Variants in ERC2 observed in about 807,000 individuals in gnomAD.
ERC2 encodes ELKS/RAB6-interacting/CAST family member 2, also known as ERC protein 2.
Under a neutral mutation model 114.8 loss-of-function variants are expected in ERC2, and 42 were observed. That is an observed-to-expected ratio of 0.37 (90% confidence interval 0.29 to 0.47). ERC2 has a LOEUF of 0.47. ERC2 is among the 20% of genes least tolerant of loss of function. The pLI is 0.99. For synonymous variants in ERC2, 454 were observed against 425.5 expected (o/e 1.07, Z -0.82); for missense variants, 939 against 1,150.7 (o/e 0.82, Z 2.66).
rs140680244 is a variant in ERC2 at position 56,189,856 on chromosome 3, G to A, written c.1075-16336C>T. ...CCTCACCATCTAATCTCTGCAGCCA[G>A]GTCCAAGCAACTCTGGAATATTTTA... On this transcript the variant is annotated intron_variant, in intron 3 of 17. Coordinates refer to ENST00000288221, the MANE Select transcript of ERC2 (RefSeq NM_015576.3). Among the ~76,000 whole-genome samples, 510 of 152,306 alleles carry A rather than the reference G, an allele frequency of 3.3e-3. 1 individual carries two copies. Among genetic ancestry groups the A allele is most frequent in the African/African-American group, 0.012 (487 of 41,564 alleles).
chr3:55,707,351 A>C (rs1397101664), intron 15 of ERC2, among the ~76,000 whole-genome samples: 2 of 152,172 alleles, frequency 1.3e-5, no homozygotes, highest in African/African-American at 4.8e-5. Flanking sequence ...AAGTGGGAGG[A>C]TCACCTGAGC....
At position 55,508,891 on chromosome 3, in the gene ERC2, C is replaced by A. The variant is rs547598125; in HGVS notation, c.*2425G>T. Reference sequence around the variant, plus strand: ...TTCTCCTAAATGTTAGCCCAAACTTCTTTTTTCAACTATGTTATGATTAGA... The same window carrying A: ...TTCTCCTAAATGTTAGCCCAAACTTATTTTTTCAACTATGTTATGATTAGA... On this transcript the variant is annotated 3_prime_UTR_variant, in exon 18 of 18. Transcript: ENST00000288221. The A allele has an allele frequency of 6.5e-6, 1 of 152,716 alleles. No individual in the cohort carries two copies. Among genetic ancestry groups the A allele is most frequent in the East Asian group, 1.9e-4 (1 of 5,192 alleles). 9.5% of individuals were successfully genotyped at this position (152,716 alleles called of 1,614,324 possible).
intron 4 of ERC2, among the ~76,000 whole-genome samples, chr3:56,154,474 A>C (rs2081589588): frequency 6.6e-6 from 1 of 152,108 alleles, no homozygotes; most frequent in African/African-American, 2.4e-5. Flanking sequence ...ATTCTTCATG[A>C]AACCCATGCC....
chr3:55,928,809 T>C (rs556572359), intron 13 of ERC2, among the ~76,000 whole-genome samples: 1 of 152,324 alleles, frequency 6.6e-6, no homozygotes, highest in East Asian at 1.9e-4. Flanking sequence ...GGGGGCTAGT[T>C]TCATTCTTCT....
At chr3:55,540,416 C>G (rs2054314823) in intron 17 of ERC2, among the ~76,000 whole-genome samples, 1 of 152,170 alleles carries the variant, frequency 6.6e-6, no homozygotes, top group Non-Finnish European at 1.5e-5. Flanking sequence ...AACTAGGGGA[C>G]TAAGCCAGTA....
chr3:55,981,537 C>T (rs1442579276), intron 12 of ERC2, among the ~76,000 whole-genome samples: 1 of 152,118 alleles, frequency 6.6e-6, no homozygotes, highest in Non-Finnish European at 1.5e-5. Flanking sequence ...ATATCCCCAA[C>T]ACCCAGCCAG....
chr3:56,171,784 AC>A (rs1001334687), intron 4 of ERC2, among the ~76,000 whole-genome samples: 4 of 151,530 alleles, frequency 2.6e-5, no homozygotes, highest in Non-Finnish European at 5.9e-5. Flanking sequence ...CCAGGAAACT[AC>A]CCACCACATT....
intron 6 of ERC2, among the ~76,000 whole-genome samples, chr3:56,087,902 C>T (rs2077589194): frequency 1.3e-5 from 2 of 152,126 alleles, no homozygotes; most frequent in Non-Finnish European, 2.9e-5. Flanking sequence ...TGTACACAGT[C>T]TCCAAAGACA....
intron 6 of ERC2, among the ~76,000 whole-genome samples, chr3:56,085,012 C>T (rs1383543499): frequency 1.3e-5 from 2 of 152,122 alleles, no homozygotes; most frequent in Non-Finnish European, 2.9e-5. Context: ...GGACAGATAA[C>T]TCTCATTTCC....
At chr3:55,969,392 T>TACAC (rs10555030) in intron 12 of ERC2, among the ~76,000 whole-genome samples, 2,228 of 140,594 alleles carry the variant, frequency 0.016, 42 homozygotes, top group African/African-American at 0.049. Flanking sequence ...TTTATACACA[T>TACAC]ACACACACAC....
chr3:55,738,032 C>T (rs1464119029), intron 14 of ERC2, among the ~76,000 whole-genome samples: 1 of 152,158 alleles, frequency 6.6e-6, no homozygotes, highest in Non-Finnish European at 1.5e-5. Flanking sequence ...GACTGGCCTC[C>T]ATGGGACTTG....
At chr3:56,202,103 G>A (rs1320791149) in intron 3 of ERC2, among the ~76,000 whole-genome samples, 1 of 152,174 alleles carries the variant, frequency 6.6e-6, no homozygotes, top group Non-Finnish European at 1.5e-5. Flanking sequence ...CACAGCACAA[G>A]GTTTTAGCTT....
chr3:56,333,687 TC>T (rs1477741449), intron 2 of ERC2, among the ~76,000 whole-genome samples: 1 of 148,250 alleles, frequency 6.7e-6, no homozygotes, highest in Non-Finnish European at 1.5e-5. Context: ...TCTTATCTCT[TC>T]CAAATGAACA....
At chr3:56,112,456 C>A (rs550467425) in intron 6 of ERC2, among the ~76,000 whole-genome samples, 81 of 151,916 alleles carry the variant, frequency 5.3e-4, no homozygotes, top group African/African-American at 1.8e-3. Flanking sequence ...CACACACACA[C>A]ACACACACAC....
intron 13 of ERC2, among the ~76,000 whole-genome samples, chr3:55,904,409 G>T (rs138792817): frequency 6.6e-6 from 1 of 152,104 alleles, no homozygotes; most frequent in African/African-American, 2.4e-5. Context: ...TATAATATTC[G>T]CTGATGTGAC....
intron 12 of ERC2, among the ~76,000 whole-genome samples, chr3:55,969,421 AC>A (rs1229469521): frequency 6.6e-6 from 1 of 151,722 alleles, no homozygotes; most frequent in Non-Finnish European, 1.5e-5. Flanking sequence ...ACACACACAC[AC>A]ACACACACAC....
intron 7 of ERC2, 131 bp downstream of exon 7, chr3:56,080,686 C>T (rs2077187743): frequency 1.2e-6 from 1 of 839,840 alleles, no homozygotes; most frequent in African/African-American, 1.7e-5. Flanking sequence ...AAGTGAAACA[C>T]CAGTATGAAA....
intron 17 of ERC2, among the ~76,000 whole-genome samples, chr3:55,583,331 TTGCCTGCCTGTC>T (rs1234979975): frequency 1.5e-4 from 23 of 151,552 alleles, no homozygotes; most frequent in African/African-American, 4.9e-4. Context: ...GTGTGGAAGC[TTGCCTGCCTGTC>T]TGCCTGCCTG....
At chr3:56,059,091 T>A (rs1431515808) in intron 7 of ERC2, among the ~76,000 whole-genome samples, 1 of 84,616 alleles carries the variant, frequency 1.2e-5, no homozygotes, top group Non-Finnish European at 2.8e-5. Context: ...TTTTTTTATT[T>A]TTTTTATTTT....
Sources: allele counts gnomAD v4.1 joint callset (sites outside exome capture counted in the v4.1 genomes callset), GRCh38; gene constraint gnomAD v4.1.1; transcripts MANE v1.5; gene names NCBI Gene and HGNC (gene_info 2026-07-23, HGNC 2026-07-21).